The following CDH23 variants were observed in gnomAD, a reference collection of about 807,000 sequenced individuals.
CDH23 encodes cadherin related 23.
CDH23 carries 189 observed loss-of-function variants against 317.1 expected under a neutral mutation model. The observed-to-expected ratio is 0.60, with a 90% confidence interval of 0.53 to 0.67. CDH23 has a LOEUF of 0.67. CDH23 is among the 30% of genes least tolerant of loss of function. CDH23 has a pLI of 0.00. For synonymous variants in CDH23, 1,839 were observed against 1,876.8 expected (o/e 0.98, Z 0.52); for missense variants, 4,401 against 4,592.4 (o/e 0.96, Z 1.20).
At chr10:71,480,105 C>A (rs914064010) in intron 3 of CDH23, among the ~76,000 whole-genome samples, 1 of 152,196 alleles carries the variant, frequency 6.6e-6, no homozygotes, top group Non-Finnish European at 1.5e-5. Flanking sequence ...TCTGCTCCCC[C>A]ACACCTTAGC....
At chr10:71,681,549 G>C (rs2132680220) in intron 17 of CDH23, among the ~76,000 whole-genome samples, 1 of 152,276 alleles carries the variant, frequency 6.6e-6, no homozygotes, top group Middle Eastern at 3.4e-3. Context: ...CTAACCCCGA[G>C]TACCTCCCCA....
chr10:71,502,357 A>G (rs981631922), intron 3 of CDH23, among the ~76,000 whole-genome samples: 1 of 152,218 alleles, frequency 6.6e-6, no homozygotes, highest in East Asian at 1.9e-4. Context: ...AGGATTCTGA[A>G]GTTGAATGCA....
chr10:71,633,944 C>T (rs1205718698), intron 11 of CDH23, among the ~76,000 whole-genome samples: 1 of 152,214 alleles, frequency 6.6e-6, no homozygotes, highest in Non-Finnish European at 1.5e-5. Flanking sequence ...GAATACAAAG[C>T]GGTGTGATTA....
chr10:71,704,852 G>C (rs999508921), intron 24 of CDH23, 59 bp from the exon 25 acceptor site: 2 of 1,334,038 alleles, frequency 1.5e-6, no homozygotes, highest in Middle Eastern at 1.8e-4. Context: ...CTTCTTGGGG[G>C]AGAAGCATCC....
chr10:71,759,986 T>G lies in CDH23; in HGVS notation c.4846-17694T>G, dbSNP rs2132883140. Among the ~76,000 whole-genome samples the G allele has an allele frequency of 2.8e-5, 2 of 70,554 alleles. 1 individual carries two copies. The highest frequency in any genetic ancestry group is 7.6e-4 in the East Asian group (2 of 2,618). 46.3% of individuals were successfully genotyped at this position (70,554 alleles called of 152,430 possible). On this transcript the variant is annotated intron_variant, in intron 38 of 69. Coordinates refer to ENST00000224721, the MANE Select transcript of CDH23 (RefSeq NM_022124.6). Reference sequence around the variant, plus strand: ...ACATATATATACACACACACATATATATACACACACACATACATATATATA... The same window carrying G: ...ACATATATATACACACACACATATAGATACACACACACATACATATATATA...
chr10:71,638,493 G>A (rs1862380513), intron 11 of CDH23, among the ~76,000 whole-genome samples: 1 of 152,206 alleles, frequency 6.6e-6, no homozygotes, highest in South Asian at 2.1e-4. Context: ...CAGGCCACCT[G>A]CAGCGGAATG....
rs2133017882 is a variant in CDH23 at position 71,815,177 on chromosome 10, G to A, written c.9964G>A (p.Ala3322Thr). ...GACGCTGACCGCTGCCGAGGCCACT[G>A]CCTTCGAGCGCAACGCCCGCACAGA... ...LETLTAAEAT[A>T]FERNARTESA... The change falls in exon 70 of 70, where the codon GCC becomes ACC. Residue 3322 changes from alanine (A) to threonine (T), a missense_variant. By Grantham distance (58) the Ala-to-Thr change is moderately conservative. This residue lies in a region of CDH23 where 1,144 missense variants were observed against 1,138.2 expected (regional missense o/e 1.01). Coordinates refer to ENST00000224721, the MANE Select transcript of CDH23 (RefSeq NM_022124.6). 3 of 1,610,834 alleles carry A rather than the reference G, an allele frequency of 1.9e-6. No individual in the cohort carries two copies. The highest frequency in any genetic ancestry group is 2.5e-6 in the Non-Finnish European group (3 of 1,178,394).
Position 71,765,068 on chromosome 10 carries a change from A to G in CDH23, c.4846-12612A>G, listed in dbSNP as rs1840500100. ...GCTCTGCCGGGAAACAGAAGTGAGGAGGACCTAGGGAAAGGGCTCTCCCAC... is the reference window on the plus strand; with the variant it reads ...GCTCTGCCGGGAAACAGAAGTGAGGGGGACCTAGGGAAAGGGCTCTCCCAC... On this transcript the variant is annotated intron_variant, in intron 38 of 69. Coordinates refer to ENST00000224721, the MANE Select transcript of CDH23 (RefSeq NM_022124.6). 2.0e-5 allele frequency among the ~76,000 whole-genome samples: 3 copies of G among 152,186 alleles called. No individual in the cohort carries two copies. The South Asian group carries it at 6.2e-4, about 31-fold the overall frequency.
chr10:71,436,426 A>G (rs1849622572), intron 1 of CDH23, among the ~76,000 whole-genome samples: 1 of 152,134 alleles, frequency 6.6e-6, no homozygotes, highest in Non-Finnish European at 1.5e-5. Flanking sequence ...TTTTTGTGTG[A>G]TGCATATTGT....
At chr10:71,456,525 A>G in intron 3 of CDH23, among the ~76,000 whole-genome samples, 1 of 142,580 alleles carries the variant, frequency 7.0e-6, no homozygotes, top group East Asian at 1.9e-4. Context: ...CTCAACACAC[A>G]GGTGTGGGTA....
At position 71,778,425 on chromosome 10, in the gene CDH23, C is replaced by T. The variant is rs61853672; in HGVS notation, c.5187+117C>T. On this transcript the variant is annotated intron_variant, in intron 40 of 69. Transcript: ENST00000224721. ...GATTGTCTGAGGGAAATGCCTAAAT[C>T]CAAGACCCCTGTCCTAATCTCAGCA... The T allele has an allele frequency of 1.9e-3, 2,590 of 1,329,504 alleles. 9 individuals carry two copies. The highest frequency in any genetic ancestry group is 2.5e-3 in the South Asian group (185 of 75,460). 82.4% of individuals were successfully genotyped at this position (1,329,504 alleles called of 1,614,324 possible).
chr10:71,525,484 T>C (rs1482857930), intron 6 of CDH23, among the ~76,000 whole-genome samples: 1 of 152,020 alleles, frequency 6.6e-6, no homozygotes, highest in Non-Finnish European at 1.5e-5. Flanking sequence ...AAGCTGGTGG[T>C]TTTTGGGAAC....
intron 6 of CDH23, among the ~76,000 whole-genome samples, chr10:71,554,929 CTG>C (rs1856796528): frequency 6.6e-6 from 1 of 152,184 alleles, no homozygotes; most frequent in Non-Finnish European, 1.5e-5. Context: ...AGCAGCTGGA[CTG>C]TGACCCAGAG....
Position 71,807,614 on chromosome 10 carries a change from G to C in CDH23, c.8407G>C (p.Val2803Leu), listed in dbSNP as rs369697366. The change falls in exon 59 of 70, where the codon GTC (valine) becomes CTC (leucine). Residue 2803 changes from valine (V) to leucine (L), a missense_variant. Val to Leu is a conservative substitution (Grantham distance 32). This residue lies in a region of CDH23 where 1,144 missense variants were observed against 1,138.2 expected (regional missense o/e 1.01). Coordinates refer to ENST00000224721, the MANE Select transcript of CDH23 (RefSeq NM_022124.6). Reference sequence around the variant, plus strand: ...GCGAGAAGCCATCTTCTCCTTCATCGTCAAGGCCTCCAGCAATCGCAGCTG... The same window carrying C: ...GCGAGAAGCCATCTTCTCCTTCATCCTCAAGGCCTCCAGCAATCGCAGCTG... ...REREAIFSFI[V>L]KASSNRSWTP... is the part of the protein sequence containing the mutation. 3 of 1,613,950 alleles carry C rather than the reference G, an allele frequency of 1.9e-6. No individual in the cohort carries two copies. In the South Asian group the frequency reaches 3.3e-5, roughly 18 times the overall value.
chr10:71,793,175 C>T lies in CDH23; in HGVS notation c.6254-7C>T. ...TGCGCAGCTACTCCCTTTTCCCTCT[C>T]CAACAGGATTCTCAGTCCTTCAAGT... is the stretch of plus-strand genomic sequence containing the variant. On this transcript the variant is annotated splice_polypyrimidine_tract_variant and splice_region_variant and intron_variant, in intron 47 of 69. Coordinates refer to ENST00000224721, the MANE Select transcript of CDH23 (RefSeq NM_022124.6). The T allele has an allele frequency of 3.1e-6, 5 of 1,605,788 alleles. No homozygotes were observed. The highest frequency in any genetic ancestry group is 4.3e-6 in the Non-Finnish European group (5 of 1,174,624).
chr10:71,749,301 T>C (rs1839932852), intron 38 of CDH23: 1 of 152,270 alleles, frequency 6.6e-6, no homozygotes, highest in Non-Finnish European at 1.5e-5. Context: ...TCTTTCCTTC[T>C]TTCTTTCTTT....
chr10:71,521,424 C>A (rs1476897687), intron 6 of CDH23, among the ~76,000 whole-genome samples: 1 of 152,216 alleles, frequency 6.6e-6, no homozygotes, highest in Admixed American at 6.5e-5. Flanking sequence ...TGAGACGAAC[C>A]CTCCATTTCA....
chr10:71,661,746 T>C (rs1158429658), intron 14 of CDH23, among the ~76,000 whole-genome samples: 107 of 9,178 alleles, frequency 0.012, 2 homozygotes, highest in African/African-American at 0.043. Flanking sequence ...CTGCGCGCCC[T>C]CCCACCCTGC....
At chr10:71,475,395 C>G (rs1851738310) in intron 3 of CDH23, among the ~76,000 whole-genome samples, 1 of 152,190 alleles carries the variant, frequency 6.6e-6, no homozygotes, top group African/African-American at 2.4e-5. Flanking sequence ...GCTTCCCTTT[C>G]TGTTTCCTGT....
Sources: allele counts gnomAD v4.1 joint callset (sites outside exome capture counted in the v4.1 genomes callset), GRCh38; gene constraint gnomAD v4.1.1; regional missense constraint gnomAD v4.1.1; transcripts MANE v1.5; gene names NCBI Gene and HGNC (gene_info 2026-07-23, HGNC 2026-07-21).